Variants in FGF14 observed in about 807,000 individuals in gnomAD.
The protein encoded by FGF14 is fibroblast growth factor homologous factor 4.
A neutral mutation model predicts 25.5 loss-of-function variants in FGF14; 5 were observed. That is an observed-to-expected ratio of 0.20 (90% CI 0.10 to 0.41). The LOEUF (loss-of-function observed/expected upper bound fraction) is 0.41, where lower values mean the gene tolerates loss of function less well. FGF14 is among the 10% of genes least tolerant of loss of function. FGF14 has a pLI of 1.00. For missense variants in FGF14, 222 were observed against 320.1 expected, an observed-to-expected ratio of 0.69 and a Z score of 2.34; for synonymous variants, 138 against 118.3, an observed-to-expected ratio of 1.17 and a Z score of -1.08.
intron 1 of FGF14, among the ~76,000 whole-genome samples, chr13:102,142,018 G>T (rs1403658095): frequency 6.6e-6 from 1 of 151,994 alleles, no homozygotes; most frequent in Non-Finnish European, 1.5e-5. Flanking sequence ...ACATGCATGA[G>T]GGAAATAAGA....
intron 1 of FGF14, among the ~76,000 whole-genome samples, chr13:102,216,769 T>C (rs1047921083): frequency 4.6e-5 from 7 of 152,126 alleles, no homozygotes; most frequent in African/African-American, 1.4e-4. Flanking sequence ...TATCTAACCA[T>C]AGCTTAGTAC....
intron 1 of FGF14, among the ~76,000 whole-genome samples, chr13:101,899,448 A>C (rs1270531259): frequency 6.6e-6 from 1 of 152,106 alleles, no homozygotes; most frequent in Non-Finnish European, 1.5e-5. Context: ...TGGAAGTTTT[A>C]AAACTGGAAA....
At chr13:102,111,513 G>A (rs920986374) in intron 1 of FGF14, among the ~76,000 whole-genome samples, 2 of 152,058 alleles carry the variant, frequency 1.3e-5, no homozygotes, top group African/African-American at 2.4e-5. Flanking sequence ...ACAGGAGTTC[G>A]AGAACAGCCA....
In FGF14 at chr13:101,766,535, G is replaced by A. The variant is rs562681158; in HGVS notation, c.409-39725C>T. On this transcript the variant is annotated intron_variant, in intron 3 of 4. Coordinates refer to ENST00000376143, the MANE Select transcript of FGF14 (RefSeq NM_004115.4). ...TAGACACAGAAGATATGGGAGGAAG[G>A]AGTTCTCAGAAGAGTGTTGAACAGC... 2.6e-5 allele frequency among the ~76,000 whole-genome samples: 4 copies of A among 152,314 alleles called. No individual in the cohort carries two copies. In the East Asian group the frequency reaches 5.8e-4, roughly 22 times the overall value.
rs1422799623 is a variant in FGF14, at chr13:102,169,008, G to GA, written c.208+232462dup. Among the ~76,000 whole-genome samples, 7 of 149,920 alleles carry GA rather than the reference G, an allele frequency of 4.7e-5. No homozygotes were observed. The East Asian group carries it at 5.9e-4, about 13-fold the overall frequency. On this transcript the variant is annotated intron_variant, in intron 1 of 4. Coordinates refer to the FGF14 transcript ENST00000376131. The stretch of plus-strand genomic sequence containing the variant: ...ATATCCAGAACAGGGAGACAGAGAA[G>GA]AAAAAAAAAGAACACTCACAGTTTA...
At chr13:102,181,203 C>A (rs2048658937) in intron 1 of FGF14, among the ~76,000 whole-genome samples, 1 of 152,232 alleles carries the variant, frequency 6.6e-6, no homozygotes, top group South Asian at 2.1e-4. Context: ...AAAAGATTTT[C>A]AGTGTTCTTA....
chr13:101,738,164 A>AT (rs1393459236), intron 3 of FGF14, among the ~76,000 whole-genome samples: 1 of 152,162 alleles, frequency 6.6e-6, no homozygotes, highest in Non-Finnish European at 1.5e-5. Context: ...ATAGATGATG[A>AT]TTTTGTGTCT....
At chr13:101,808,684 T>C (rs973741320) in intron 3 of FGF14, among the ~76,000 whole-genome samples, 1 of 152,082 alleles carries the variant, frequency 6.6e-6, no homozygotes, top group African/African-American at 2.4e-5. Context: ...TGGAAATGAA[T>C]ACTGAGAGAT....
At chr13:101,898,732 A>G (rs903950200) in intron 1 of FGF14, among the ~76,000 whole-genome samples, 1 of 152,174 alleles carries the variant, frequency 6.6e-6, no homozygotes, top group African/African-American at 2.4e-5. Context: ...CCAACTATCA[A>G]GCATAAGACC....
intron 1 of FGF14, among the ~76,000 whole-genome samples, chr13:102,053,244 A>G (rs1366015736): frequency 6.6e-6 from 1 of 152,040 alleles, no homozygotes; most frequent in African/African-American, 2.4e-5. Flanking sequence ...CAATCAAAAG[A>G]CGTAGAGTGG....
intron 1 of FGF14, among the ~76,000 whole-genome samples, chr13:101,921,981 T>G (rs904043103): frequency 1.3e-5 from 2 of 152,234 alleles, no homozygotes; most frequent in Non-Finnish European, 2.9e-5. Flanking sequence ...CCTTATTTAT[T>G]TGGGCTGTCT....
At chr13:102,059,612 AG>A (rs1434779056) in intron 1 of FGF14, among the ~76,000 whole-genome samples, 2 of 152,252 alleles carry the variant, frequency 1.3e-5, no homozygotes, top group Non-Finnish European at 2.9e-5. Context: ...GCACTTTGGG[AG>A]GCCGAGGCGG....
intron 3 of FGF14, among the ~76,000 whole-genome samples, chr13:101,808,762 T>C (rs917771789): frequency 6.6e-6 from 1 of 152,094 alleles, no homozygotes; most frequent in Admixed American, 6.6e-5. Flanking sequence ...GTAAAGACTT[T>C]AAGCATATAT....
At chr13:102,279,404 T>C (rs1224978493) in intron 1 of FGF14, among the ~76,000 whole-genome samples, 1 of 152,216 alleles carries the variant, frequency 6.6e-6, no homozygotes, top group Non-Finnish European at 1.5e-5. Context: ...ACACTACAAC[T>C]AGCAAAATTT....
chr13:101,774,825 G>T (rs909988728), intron 3 of FGF14, among the ~76,000 whole-genome samples: 1 of 152,078 alleles, frequency 6.6e-6, no homozygotes, highest in Admixed American at 6.6e-5. Flanking sequence ...GGCTGAGGCA[G>T]GAGGATCACA....
intron 1 of FGF14, among the ~76,000 whole-genome samples, chr13:101,908,703 C>T (rs2032549087): frequency 6.6e-6 from 1 of 152,170 alleles, no homozygotes; most frequent in Non-Finnish European, 1.5e-5. Flanking sequence ...CCCCATCAAG[C>T]TACCAATGAC....
intron 1 of FGF14, among the ~76,000 whole-genome samples, chr13:101,901,302 C>T (rs1390933913): frequency 6.6e-6 from 1 of 152,180 alleles, no homozygotes; most frequent in East Asian, 1.9e-4. Context: ...GTCTCCCTCC[C>T]ACTTCCCAAG....
intron 3 of FGF14, among the ~76,000 whole-genome samples, chr13:101,845,539 A>C (rs1179381200): frequency 6.6e-6 from 1 of 152,034 alleles, no homozygotes; most frequent in Admixed American, 6.6e-5. Flanking sequence ...ACATGGAGAC[A>C]GGAAAACACA....
At chr13:102,220,353 A>G (rs1431699662) in intron 1 of FGF14, among the ~76,000 whole-genome samples, 1 of 152,170 alleles carries the variant, frequency 6.6e-6, no homozygotes, top group Admixed American at 6.5e-5. Context: ...AAATTTCTAA[A>G]TAAGTCTCAC....
Sources: allele counts gnomAD v4.1 joint callset (sites outside exome capture counted in the v4.1 genomes callset), GRCh38; gene constraint gnomAD v4.1.1; transcripts MANE v1.5; gene names NCBI Gene and HGNC (gene_info 2026-07-23, HGNC 2026-07-21).